ATP6V1C2: variants seen among roughly 807,000 people sequenced by gnomAD.
The protein encoded by ATP6V1C2 is ATPase H+ transporting V1 subunit C2.
Under a neutral mutation model 56.8 loss-of-function variants are expected in ATP6V1C2, and 45 were observed. The ratio of observed to expected loss-of-function variants is 0.79; its 90% CI spans 0.62 to 1.02. The LOEUF (loss-of-function observed/expected upper bound fraction) is 1.02, where lower values mean the gene tolerates loss of function less well. ATP6V1C2 is among the 50% of genes least tolerant of loss of function. The pLI, the probability that ATP6V1C2 is intolerant of heterozygous loss-of-function variation, is 0.00. For missense variants in ATP6V1C2, 463 were observed against 519.7 expected (o/e 0.89, Z 1.06); for synonymous variants, 220 against 201.3 (o/e 1.09, Z -0.79).
At chr2:10,752,352 TC>T (rs889213691) in intron 3 of ATP6V1C2, among the ~76,000 whole-genome samples, 6 of 152,286 alleles carry the variant, frequency 3.9e-5, no homozygotes, top group Admixed American at 1.3e-4. Flanking sequence ...GCCTCTGGGC[TC>T]CGGTCTGAGT....
chr2:10,777,689 C>T lies in ATP6V1C2; in HGVS notation c.930C>T (p.Thr310=), dbSNP rs200356976. 1.1e-5 allele frequency: 18 copies of T among 1,613,710 alleles called. No individual in the cohort carries two copies. Among genetic ancestry groups the T allele is most frequent in the South Asian group, 8.8e-5 (8 of 91,076 alleles). The part of the protein sequence containing the change: ...GNPDRPAAGQ[T]DRERESEGEG... ...CTGATAGGCCTGCTGCGGGGCAGACCGACAGAGAGAGAGAGAGTGAGGGCG... is the reference window on the plus strand; with the variant it reads ...CTGATAGGCCTGCTGCGGGGCAGACTGACAGAGAGAGAGAGAGTGAGGGCG... Residue 310 remains threonine (T), a synonymous_variant, in exon 11 of 14, where the codon ACC becomes ACT. Transcript: ENST00000272238.
At chr2:10,775,285 G>A (rs888307524) in intron 10 of ATP6V1C2, among the ~76,000 whole-genome samples, 3 of 152,198 alleles carry the variant, frequency 2.0e-5, no homozygotes, top group Non-Finnish European at 2.9e-5. Flanking sequence ...AGCTGGGGGC[G>A]GGAGCCGGGG....
chr2:10,774,197 C>T (rs925206286), intron 8 of ATP6V1C2, among the ~76,000 whole-genome samples: 4 of 152,230 alleles, frequency 2.6e-5, no homozygotes, highest in Non-Finnish European at 5.9e-5. Context: ...GGAAGGGTGA[C>T]CCTGCCAGCA....
intron 11 of ATP6V1C2, among the ~76,000 whole-genome samples, chr2:10,778,140 C>G (rs149637558): frequency 6.6e-6 from 1 of 152,318 alleles, no homozygotes; most frequent in South Asian, 2.1e-4. Flanking sequence ...CCTGCCACAC[C>G]GGCATCAGTG....
chr2:10,744,951 G>A (rs1247132715), intron 3 of ATP6V1C2, among the ~76,000 whole-genome samples: 1 of 151,176 alleles, frequency 6.6e-6, no homozygotes, highest in African/African-American at 2.4e-5. Context: ...TTACAAGCAT[G>A]AGCCATCGCA....
At chr2:10,747,303 T>C (rs921853951) in intron 3 of ATP6V1C2, among the ~76,000 whole-genome samples, 7 of 152,096 alleles carry the variant, frequency 4.6e-5, no homozygotes, top group Non-Finnish European at 1.0e-4. Context: ...AGAATTCTCA[T>C]ACTTTTCATA....
chr2:10,771,498 C>A (rs1056553343), intron 6 of ATP6V1C2, among the ~76,000 whole-genome samples: 1 of 152,228 alleles, frequency 6.6e-6, no homozygotes, highest in African/African-American at 2.4e-5. Context: ...CACCCGAGGC[C>A]CCCTCCCATA....
At chr2:10,778,075 G>A (rs1205331966) in intron 11 of ATP6V1C2, among the ~76,000 whole-genome samples, 1 of 152,164 alleles carries the variant, frequency 6.6e-6, no homozygotes, top group South Asian at 2.1e-4. Flanking sequence ...GGCAGCTGCA[G>A]TGTCAGGCGG....
intron 3 of ATP6V1C2, among the ~76,000 whole-genome samples, chr2:10,741,996 G>C (rs534089672): frequency 2.0e-5 from 3 of 151,688 alleles, no homozygotes; most frequent in African/African-American, 7.3e-5. Flanking sequence ...CTGCAATCTC[G>C]CTTCCCGGGC....
chr2:10,743,503 A>G (rs1032140773), intron 3 of ATP6V1C2, among the ~76,000 whole-genome samples: 2 of 151,832 alleles, frequency 1.3e-5, no homozygotes, highest in Non-Finnish European at 2.9e-5. Context: ...ATTACAAACC[A>G]TTCTGCCACA....
chr2:10,756,318 C>T (rs1663550792), intron 4 of ATP6V1C2, among the ~76,000 whole-genome samples: 2 of 151,848 alleles, frequency 1.3e-5, no homozygotes, highest in South Asian at 4.2e-4. Flanking sequence ...CGAGATCGCA[C>T]CATTGCATTC....
intron 10 of ATP6V1C2, 97 bp downstream of exon 10, chr2:10,775,168 T>C (rs1664882997): frequency 1.1e-6 from 1 of 927,108 alleles, no homozygotes; most frequent in African/African-American, 1.6e-5. Context: ...TCCCTCTCAT[T>C]GTCCCCAGGC....
At chr2:10,765,116 C>G (rs1325659059) in intron 5 of ATP6V1C2, among the ~76,000 whole-genome samples, 5 of 152,196 alleles carry the variant, frequency 3.3e-5, no homozygotes, top group Non-Finnish European at 7.3e-5. Flanking sequence ...GGAGCCCTAA[C>G]CTCTTCAGAC....
intron 2 of ATP6V1C2, among the ~76,000 whole-genome samples, chr2:10,725,273 A>G (rs574200623): frequency 6.6e-6 from 1 of 151,808 alleles, no homozygotes; most frequent in South Asian, 2.1e-4. Flanking sequence ...AAAATAAGCC[A>G]GGCGTGGGGC....
chr2:10,782,160 G>A (rs1257074210), intron 12 of ATP6V1C2, 83 bp from the exon 13 acceptor site: 2 of 1,521,144 alleles, frequency 1.3e-6, no homozygotes, highest in African/African-American at 2.8e-5. Context: ...TTCACCCTCG[G>A]AATGTACTGT....
rs182215055 is a variant in ATP6V1C2 at position 10,751,090 on chromosome 2, A to G, written c.198-2891A>G. 3.1e-4 allele frequency among the ~76,000 whole-genome samples: 47 copies of G among 152,304 alleles called. 1 individual carries two copies. In the East Asian group the frequency reaches 7.5e-3, roughly 24 times the overall value. On this transcript the variant is annotated intron_variant, in intron 3 of 13. Coordinates refer to ENST00000272238, the MANE Select transcript of ATP6V1C2 (RefSeq NM_001039362.2). Reference sequence around the variant, plus strand: ...ATTATGCCAGAGATAATTTGAGGAGAGGCTCATTATAGGGAGACAGAGTTA... The same window carrying G: ...ATTATGCCAGAGATAATTTGAGGAGGGGCTCATTATAGGGAGACAGAGTTA...
At chr2:10,757,282 G>A (rs1225955966) in intron 4 of ATP6V1C2, 1 of 374,630 alleles carries the variant, frequency 2.7e-6, no homozygotes, top group Non-Finnish European at 4.7e-6. Context: ...CAAAGTGCTA[G>A]GATTACAGGC....
At chr2:10,753,161 C>G (rs1424547613) in intron 3 of ATP6V1C2, among the ~76,000 whole-genome samples, 6 of 152,136 alleles carry the variant, frequency 3.9e-5, no homozygotes, top group Non-Finnish European at 7.4e-5. Flanking sequence ...ATTGTAAAAG[C>G]AATATCTGAT....
In ATP6V1C2 at chr2:10,779,611, C is replaced by T. The variant is rs546262296; in HGVS notation, c.1061+942C>T. On this transcript the variant is annotated intron_variant, in intron 12 of 13. Coordinates refer to ENST00000272238, the MANE Select transcript of ATP6V1C2 (RefSeq NM_001039362.2). ...TGAGGTGGGAGGATCACTTGAGCCTCGGAGCCGGAGGTTGCAGTGAGCCGA... is the reference window on the plus strand; with the variant it reads ...TGAGGTGGGAGGATCACTTGAGCCTTGGAGCCGGAGGTTGCAGTGAGCCGA... Among the ~76,000 whole-genome samples the T allele has an allele frequency of 6.9e-5, 10 of 143,990 alleles. No individual in the cohort carries two copies. In the East Asian group the frequency reaches 2.0e-3, roughly 29 times the overall value. The allele number at this position is 143,990 out of a possible 152,430, so 94.5% of individuals were successfully genotyped here.
Sources: allele counts gnomAD v4.1 joint callset (sites outside exome capture counted in the v4.1 genomes callset), GRCh38; gene constraint gnomAD v4.1.1; transcripts MANE v1.5; gene names NCBI Gene and HGNC (gene_info 2026-07-23, HGNC 2026-07-21).